Variants in CACHD1 observed in about 807,000 individuals in gnomAD.
CACHD1 encodes the protein VWFA and cache domain-containing protein 1.
Under a neutral mutation model 138.7 loss-of-function variants are expected in CACHD1, and 71 were observed. The observed-to-expected ratio is 0.51, with a 90% CI of 0.42 to 0.62. CACHD1 has a LOEUF of 0.62. CACHD1 is among the 20% of genes least tolerant of loss of function. CACHD1 has a pLI of 0.00. For missense variants in CACHD1, 1,389 were observed against 1,625.3 expected (o/e 0.85, Z 2.50); for synonymous variants, 578 against 591.5 (o/e 0.98, Z 0.33).
chr1:64,687,491 A>G (rs1356942397), intron 26 of CACHD1, among the ~76,000 whole-genome samples: 5 of 152,178 alleles, frequency 3.3e-5, no homozygotes, highest in Non-Finnish European at 7.3e-5. Flanking sequence ...TGAGGTTCCT[A>G]TCAGAAAGCA....
intron 3 of CACHD1, among the ~76,000 whole-genome samples, chr1:64,583,555 A>G (rs1409256309): frequency 1.3e-5 from 2 of 152,250 alleles, no homozygotes; most frequent in Admixed American, 1.3e-4. Flanking sequence ...ATTAGCTGTA[A>G]TATTGCATAT....
intron 1 of CACHD1, 49 bp from the exon 2 acceptor site, chr1:64,550,545 G>T: frequency 7.3e-7 from 1 of 1,365,828 alleles, no homozygotes; most frequent in Non-Finnish European, 1.0e-6. Context: ...CACTCATGTA[G>T]AAAATGACTT....
intron 1 of CACHD1, among the ~76,000 whole-genome samples, chr1:64,504,520 G>C (rs190356185): frequency 2.0e-5 from 3 of 152,226 alleles, no homozygotes; most frequent in East Asian, 3.9e-4. Flanking sequence ...TTTTCCATTA[G>C]TTGGATTTAC....
intron 22 of CACHD1, 72 bp downstream of exon 22, chr1:64,677,083 A>T (rs1485581542): frequency 4.1e-6 from 5 of 1,220,346 alleles, no homozygotes; most frequent in Non-Finnish European, 5.9e-6. Flanking sequence ...GTGTTTTAAA[A>T]AGGTATGTCA....
chr1:64,493,824 C>T (rs1013377330), intron 1 of CACHD1, among the ~76,000 whole-genome samples: 14 of 152,154 alleles, frequency 9.2e-5, no homozygotes, highest in Admixed American at 6.5e-4. Context: ...TTAGCGAGCT[C>T]GTGGTTCTCA....
chr1:64,487,643 AT>A (rs951856710), intron 1 of CACHD1, among the ~76,000 whole-genome samples: 1 of 152,108 alleles, frequency 6.6e-6, no homozygotes. Flanking sequence ...TAAAAAAAAA[AT>A]GTAACTGATT....
chr1:64,485,065 G>A (rs1646234363), intron 1 of CACHD1, among the ~76,000 whole-genome samples: 1 of 152,192 alleles, frequency 6.6e-6, no homozygotes, highest in African/African-American at 2.4e-5. Flanking sequence ...CATAGTGGGT[G>A]TACCATTTTA....
chr1:64,662,688 A>C (rs1649482087), intron 13 of CACHD1, among the ~76,000 whole-genome samples: 1 of 152,218 alleles, frequency 6.6e-6, no homozygotes, highest in African/African-American at 2.4e-5. Flanking sequence ...AAAATCTCAA[A>C]GACGAAGATT....
At chr1:64,549,969 C>T (rs1004922576) in intron 1 of CACHD1, among the ~76,000 whole-genome samples, 3 of 152,052 alleles carry the variant, frequency 2.0e-5, no homozygotes, top group Admixed American at 2.0e-4. Context: ...ACCATCTAGG[C>T]AGGGACCAGT....
At chr1:64,594,065 C>T (rs995663853) in intron 3 of CACHD1, among the ~76,000 whole-genome samples, 4 of 151,970 alleles carry the variant, frequency 2.6e-5, no homozygotes, top group African/African-American at 9.7e-5. Context: ...ACCAGCCTGT[C>T]CAACATGGTG....
At chr1:64,683,072 C>T (rs949330636) in intron 26 of CACHD1, among the ~76,000 whole-genome samples, 2 of 152,066 alleles carry the variant, frequency 1.3e-5, no homozygotes, top group Non-Finnish European at 2.9e-5. Context: ...TGTATCTACA[C>T]TAAAAAATGC....
At chr1:64,684,270 AG>A (rs1650283500) in intron 26 of CACHD1, among the ~76,000 whole-genome samples, 1 of 151,822 alleles carries the variant, frequency 6.6e-6, no homozygotes, top group Admixed American at 6.6e-5. Flanking sequence ...TTACATATCA[AG>A]GATCTCATTT....
intron 1 of CACHD1, among the ~76,000 whole-genome samples, chr1:64,518,860 C>T (rs1198106277): frequency 6.6e-6 from 1 of 152,096 alleles, no homozygotes; most frequent in African/African-American, 2.4e-5. Context: ...GCCTTATTCC[C>T]TGGGAGTTGG....
At chr1:64,585,141 A>C (rs1647042124) in intron 3 of CACHD1, among the ~76,000 whole-genome samples, 1 of 152,224 alleles carries the variant, frequency 6.6e-6, no homozygotes, top group Non-Finnish European at 1.5e-5. Flanking sequence ...CATATATATG[A>C]GATGGTAAGA....
At chr1:64,579,553 T>G (rs989090629) in intron 2 of CACHD1, among the ~76,000 whole-genome samples, 4 of 152,184 alleles carry the variant, frequency 2.6e-5, no homozygotes, top group Non-Finnish European at 5.9e-5. Flanking sequence ...CACTTAATAC[T>G]CCTATGTGGG....
chr1:64,478,049 TG>T (rs1303369847), intron 1 of CACHD1, among the ~76,000 whole-genome samples: 1 of 152,230 alleles, frequency 6.6e-6, no homozygotes, highest in Non-Finnish European at 1.5e-5. Flanking sequence ...TATAATATAT[TG>T]GTACACTAGT....
chr1:64,526,350 A>G (rs1646538549), intron 1 of CACHD1, among the ~76,000 whole-genome samples: 1 of 152,090 alleles, frequency 6.6e-6, no homozygotes, highest in Admixed American at 6.6e-5. Context: ...AAAATGATTC[A>G]TGTCTACCCA....
intron 26 of CACHD1, among the ~76,000 whole-genome samples, chr1:64,687,607 G>A (rs563847938): frequency 6.6e-6 from 1 of 152,246 alleles, no homozygotes; most frequent in Admixed American, 6.5e-5. Flanking sequence ...TGTGAACCCA[G>A]GACCTGTGAC....
chr1:64,537,240 C>G (rs1646639965), intron 1 of CACHD1, among the ~76,000 whole-genome samples: 2 of 147,540 alleles, frequency 1.4e-5, no homozygotes, highest in Admixed American at 1.4e-4. Context: ...TTCCCCTCAC[C>G]CAGTACTTAT....
Sources: allele counts gnomAD v4.1 joint callset (sites outside exome capture counted in the v4.1 genomes callset), GRCh38; gene constraint gnomAD v4.1.1; transcripts MANE v1.5; gene names NCBI Gene and HGNC (gene_info 2026-07-23, HGNC 2026-07-21).